The following SYT1 variants were observed in gnomAD, a reference collection of about 807,000 sequenced individuals.
SYT1 encodes the protein synaptotagmin-1.
Under a neutral mutation model 44.8 loss-of-function variants are expected in SYT1, and 8 were observed. The observed-to-expected ratio is 0.18, with a 90% CI of 0.10 to 0.32. The LOEUF (loss-of-function observed/expected upper bound fraction) is 0.32. SYT1 is among the 10% of genes least tolerant of loss of function. The pLI is 1.00. For synonymous variants in SYT1, 154 were observed against 188.8 expected (o/e 0.82, Z 1.51); for missense variants, 286 against 509.3 (o/e 0.56, Z 4.22).
intron 3 of SYT1, among the ~76,000 whole-genome samples, chr12:79,165,723 C>T (rs540513375): frequency 3.9e-5 from 6 of 151,926 alleles, no homozygotes; most frequent in South Asian, 2.1e-4. Context: ...TATAACATAA[C>T]TTAATCTTTT....
intron 2 of SYT1, among the ~76,000 whole-genome samples, chr12:79,012,239 C>T (rs1871460909): frequency 2.0e-5 from 3 of 151,942 alleles, no homozygotes; most frequent in Non-Finnish European, 4.4e-5. Flanking sequence ...GGTCCAGACT[C>T]TATTTTTGGG....
intron 3 of SYT1, among the ~76,000 whole-genome samples, chr12:79,053,603 TGAC>T (rs1355393804): frequency 6.7e-6 from 1 of 148,306 alleles, no homozygotes; most frequent in African/African-American, 2.5e-5. Context: ...TTTATAATAT[TGAC>T]AATTATTTAA....
At chr12:79,040,240 C>T (rs1402740191) in intron 2 of SYT1, among the ~76,000 whole-genome samples, 14 of 150,822 alleles carry the variant, frequency 9.3e-5, no homozygotes, top group Admixed American at 2.6e-4. Context: ...GTCCCACCAA[C>T]AGTGTAAAAG....
chr12:79,211,732 T>C (rs61927349), intron 3 of SYT1, among the ~76,000 whole-genome samples: 6,642 of 152,026 alleles, frequency 0.044, 156 homozygotes, highest in Non-Finnish European at 0.05. Context: ...AGAATGATGA[T>C]TTCCAATTTC....
intron 4 of SYT1, among the ~76,000 whole-genome samples, chr12:79,249,088 CTTT>C (rs58983623): frequency 5.1e-3 from 366 of 71,748 alleles, no homozygotes; most frequent in African/African-American, 0.019. Context: ...TTACCTCTTT[CTTT>C]TTTTTTTTTT....
chr12:79,251,622 A>G (rs924303740), intron 4 of SYT1, among the ~76,000 whole-genome samples: 1 of 152,144 alleles, frequency 6.6e-6, no homozygotes, highest in African/African-American at 2.4e-5. Flanking sequence ...TATAACTTCT[A>G]TTTATAGAAG....
intron 4 of SYT1, among the ~76,000 whole-genome samples, chr12:79,233,329 G>A (rs1195644829): frequency 6.6e-6 from 1 of 152,180 alleles, no homozygotes; most frequent in Non-Finnish European, 1.5e-5. Flanking sequence ...ACATAGCCCA[G>A]TTTCCTGTGT....
intron 3 of SYT1, among the ~76,000 whole-genome samples, chr12:79,059,791 G>T (rs1435339336): frequency 6.6e-6 from 1 of 152,092 alleles, no homozygotes; most frequent in Non-Finnish European, 1.5e-5. Flanking sequence ...AACAGTGGAT[G>T]TTGGTAACTG....
chr12:79,179,009 TATATAG>T lies in SYT1; in HGVS notation c.-17-38476_-17-38471del, dbSNP rs1221772899. ...ATATCTATATAGATATAGATATAGA[TATATAG>T]ATATAGATATAGATATATAGATATA... On this transcript the variant is annotated intron_variant, in intron 3 of 10. Transcript: ENST00000261205. 2.0e-3 allele frequency among the ~76,000 whole-genome samples: 66 copies of T among 32,310 alleles called. 6 individuals are homozygous for T. Among genetic ancestry groups the T allele is most frequent in the African/African-American group, 8.5e-3 (46 of 5,436 alleles). 21.2% of individuals were successfully genotyped at this position (32,310 alleles called of 152,430 possible). A position where few individuals can be genotyped will look rare whatever the true frequency, so the allele number is the denominator to read the frequency against.
chr12:79,244,141 A>C (rs1266214397), intron 4 of SYT1, among the ~76,000 whole-genome samples: 1 of 152,240 alleles, frequency 6.6e-6, no homozygotes, highest in African/African-American at 2.4e-5. Flanking sequence ...TACTGCATCG[A>C]AAGACTTCAT....
chr12:79,064,416 A>G (rs1875610950), intron 3 of SYT1, among the ~76,000 whole-genome samples: 1 of 152,156 alleles, frequency 6.6e-6, no homozygotes, highest in Admixed American at 6.6e-5. Context: ...TTCACAGTGG[A>G]GATGGGGTAG....
chr12:79,127,983 C>T (rs1868548957), intron 3 of SYT1, among the ~76,000 whole-genome samples: 2 of 152,016 alleles, frequency 1.3e-5, no homozygotes, highest in African/African-American at 4.8e-5. Flanking sequence ...ATTAGGTAGA[C>T]AGAAAAACAG....
chr12:79,039,125 T>C (rs528273211), intron 2 of SYT1, among the ~76,000 whole-genome samples: 1 of 152,074 alleles, frequency 6.6e-6, no homozygotes, highest in Non-Finnish European at 1.5e-5. Context: ...GTCTACAGGG[T>C]GTGAGCAGTT....
At chr12:79,434,008 G>C (rs569886163) in intron 9 of SYT1, among the ~76,000 whole-genome samples, 2 of 152,118 alleles carry the variant, frequency 1.3e-5, no homozygotes, top group South Asian at 2.1e-4. Context: ...GTCACATGCT[G>C]TCCATTTGCC....
rs900571224 is a variant in SYT1, at chr12:79,235,660, G to T, written c.166+17975G>T. 4.0e-5 allele frequency among the ~76,000 whole-genome samples: 6 copies of T among 148,544 alleles called. 1 individual carries two copies. The highest frequency in any genetic ancestry group is 3.4e-4 in the Admixed American group (5 of 14,832). On this transcript the variant is annotated intron_variant, in intron 4 of 10. Coordinates refer to ENST00000261205, the MANE Select transcript of SYT1 (RefSeq NM_005639.3). ...AATATATATAATGATTATATATAAT[G>T]ACATAGAAGTCATTTCCATAATATA...
intron 1 of SYT1, among the ~76,000 whole-genome samples, chr12:78,974,307 G>T (rs945471263): frequency 6.6e-6 from 1 of 151,664 alleles, no homozygotes; most frequent in East Asian, 1.9e-4. Flanking sequence ...TTATTATTTG[G>T]TGCATAACTA....
rs117602056 is a variant in SYT1, at chr12:78,883,873, A to G, written c.-217+18764A>G. ...TTCCTTCTGTAAATATATTCAATGTATACTTAATACTATACACATGAAAGT... is the reference window on the plus strand; with the variant it reads ...TTCCTTCTGTAAATATATTCAATGTGTACTTAATACTATACACATGAAAGT... On this transcript the variant is annotated intron_variant, in intron 1 of 10. Transcript: ENST00000261205. Among the ~76,000 whole-genome samples, 1,212 of 151,802 alleles carry G rather than the reference A, an allele frequency of 8.0e-3. 5 individuals carry two copies. The highest frequency in any genetic ancestry group is 0.012 in the Non-Finnish European group (786 of 67,746).
chr12:79,000,457 AC>A (rs1384933753), intron 2 of SYT1, among the ~76,000 whole-genome samples: 1 of 151,706 alleles, frequency 6.6e-6, no homozygotes, highest in Non-Finnish European at 1.5e-5. Flanking sequence ...GTGCCACCAC[AC>A]CCAGATAATT....
In SYT1 at chr12:79,449,352, G is replaced by A. The variant is rs1870914405; in HGVS notation, c.*228G>A. 3.7e-6 allele frequency: 2 copies of A among 535,680 alleles called. No individual in the cohort carries two copies. Among genetic ancestry groups the A allele is most frequent in the South Asian group, 2.3e-5 (1 of 43,896 alleles). The allele number at this position is 535,680 out of a possible 1,614,324, so 33.2% of individuals were successfully genotyped here. On this transcript the variant is annotated 3_prime_UTR_variant, in exon 11 of 11. Transcript: ENST00000261205. ...CTACTCTTCTTTTAAGCAATATGAT[G>A]TGTAGATAGAGCATGAATGAAATTA... is the stretch of plus-strand genomic sequence containing the variant.
Sources: gnomAD v4.1 joint callset for allele counts (sites outside exome capture counted in the v4.1 genomes callset) on GRCh38, gnomAD v4.1.1 for gene constraint, MANE v1.5 for transcripts, NCBI Gene and HGNC (gene_info 2026-07-23, HGNC 2026-07-21) for gene names.